Variants in MSH3 observed in about 807,000 individuals in gnomAD.
MSH3 encodes DNA mismatch repair protein Msh3.
A neutral mutation model predicts 123.3 loss-of-function variants in MSH3; 106 were observed. The observed-to-expected ratio is 0.86, with a 90% CI of 0.73 to 1.01. The LOEUF (loss-of-function observed/expected upper bound fraction) is 1.01, where lower values mean the gene tolerates loss of function less well. MSH3 is among the 50% of genes least tolerant of loss of function. MSH3 has a pLI of 0.00. For missense variants in MSH3, 1,459 were observed against 1,347.6 expected (o/e 1.08, Z -1.29); for synonymous variants, 515 against 481.4 (o/e 1.07, Z -0.91).
intron 21 of MSH3, among the ~76,000 whole-genome samples, chr5:80,858,932 A>G (rs544727835): frequency 6.6e-6 from 1 of 152,290 alleles, no homozygotes; most frequent in East Asian, 1.9e-4. Flanking sequence ...TCTTGGACAT[A>G]AGACATAATA....
At chr5:80,685,454 T>A (rs1419014057) in intron 8 of MSH3, among the ~76,000 whole-genome samples, 1 of 152,090 alleles carries the variant, frequency 6.6e-6, no homozygotes, top group Admixed American at 6.5e-5. Flanking sequence ...TTTATTGGCA[T>A]ATGGTTGCTC....
intron 10 of MSH3, among the ~76,000 whole-genome samples, chr5:80,729,892 TG>T (rs1382342716): frequency 6.6e-5 from 10 of 152,158 alleles, no homozygotes; most frequent in Non-Finnish European, 1.2e-4. Flanking sequence ...GCATCAGCTC[TG>T]TCCCATTCTG....
intron 20 of MSH3, among the ~76,000 whole-genome samples, chr5:80,816,650 G>A (rs905744686): frequency 6.6e-6 from 1 of 152,220 alleles, no homozygotes. Flanking sequence ...TCTTTTGGTG[G>A]TCTTGGTGAA....
chr5:80,706,613 A>G (rs1197270440), intron 8 of MSH3, among the ~76,000 whole-genome samples: 1 of 152,206 alleles, frequency 6.6e-6, no homozygotes, highest in East Asian at 1.9e-4. Context: ...TATATAATGG[A>G]TGACATTTAG....
intron 8 of MSH3, among the ~76,000 whole-genome samples, chr5:80,704,522 T>C (rs768881077): frequency 1.3e-5 from 2 of 152,202 alleles, no homozygotes; most frequent in Non-Finnish European, 2.9e-5. Flanking sequence ...ATTTTCCTGC[T>C]TTTGTTTTCA....
rs1192783960 is a variant in MSH3 at position 80,784,212 on chromosome 5, C to CAAAAAAAAA, written c.2436-3334_2436-3326dup. On this transcript the variant is annotated intron_variant, in intron 17 of 23. Coordinates refer to ENST00000265081, the MANE Select transcript of MSH3 (RefSeq NM_002439.5). ...GCGAAAGAGCGAGACTACTACGTCG[C>CAAAAAAAAA]AAAAAAAAAAAAAAAAAAAAAAAAA... is the stretch of plus-strand genomic sequence containing the variant. Among the ~76,000 whole-genome samples, 11 of 11,986 alleles carry CAAAAAAAAA rather than the reference C, an allele frequency of 9.2e-4. 1 individual carries two copies. The highest frequency in any genetic ancestry group is 6.3e-3 in the Admixed American group (5 of 794). 7.9% of individuals were successfully genotyped at this position (11,986 alleles called of 152,430 possible). A position where few individuals can be genotyped will look rare whatever the true frequency, so the allele number is the denominator to read the frequency against.
chr5:80,798,361 G>T (rs1364820349), intron 19 of MSH3, among the ~76,000 whole-genome samples: 1 of 32,222 alleles, frequency 3.1e-5, no homozygotes, highest in African/African-American at 2.2e-4. Flanking sequence ...AGCTGGTAAA[G>T]ATGAACAGAT....
intron 6 of MSH3, among the ~76,000 whole-genome samples, chr5:80,673,998 C>CT (rs1297389494): frequency 6.6e-6 from 1 of 152,174 alleles, no homozygotes; most frequent in Non-Finnish European, 1.5e-5. Context: ...CTCAGCTCAT[C>CT]TAATTCTAAG....
intron 13 of MSH3, among the ~76,000 whole-genome samples, chr5:80,762,373 T>G (rs1487437751): frequency 6.6e-6 from 1 of 152,066 alleles, no homozygotes; most frequent in Non-Finnish European, 1.5e-5. Context: ...CATTGAGAAG[T>G]TACTATTTTT....
rs190107855 is a variant in MSH3, at chr5:80,864,500, T to C, written c.3001-313T>C. Among the ~76,000 whole-genome samples the C allele has an allele frequency of 1.1e-3, 162 of 152,246 alleles. 1 individual carries two copies. Among genetic ancestry groups the C allele is most frequent in the African/African-American group, 3.8e-3 (156 of 41,556 alleles). ...ATTGAGTGTAATAATTGTATTCTAG[T>C]TATATAGGAGGATGTTTTGTTCTTA... On this transcript the variant is annotated intron_variant, in intron 21 of 23. Transcript: ENST00000265081.
chr5:80,777,661 CTGTT>C (rs1382065217), intron 16 of MSH3, among the ~76,000 whole-genome samples: 1 of 152,084 alleles, frequency 6.6e-6, no homozygotes, highest in African/African-American at 2.4e-5. Context: ...TGCAGTTTAT[CTGTT>C]TGGCCATAGG....
intron 13 of MSH3, among the ~76,000 whole-genome samples, chr5:80,765,525 C>A (rs557263009): frequency 4.6e-5 from 7 of 152,240 alleles, no homozygotes; most frequent in African/African-American, 1.7e-4. Flanking sequence ...TTTTTGAATA[C>A]GTTCTTAGCC....
At chr5:80,855,488 A>G (rs1745900544) in intron 21 of MSH3, 1 of 152,128 alleles carries the variant, frequency 6.6e-6, no homozygotes, top group Admixed American at 6.5e-5. Flanking sequence ...TTCAGTCTTT[A>G]GAGACTCAGC....
intron 8 of MSH3, among the ~76,000 whole-genome samples, chr5:80,725,078 A>T (rs1743255267): frequency 1.3e-5 from 2 of 151,860 alleles, no homozygotes; most frequent in African/African-American, 2.4e-5. Context: ...GCTGGGCGTG[A>T]TGGCGGGCAC....
At chr5:80,655,089 G>C in intron 1 of MSH3, 125 bp downstream of exon 1, 8 of 590,504 alleles carry the variant, frequency 1.4e-5, no homozygotes, top group Non-Finnish European at 2.2e-5. Flanking sequence ...GCGGGCTGAA[G>C]AAGGGGAAGG....
Position 80,832,252 on chromosome 5 carries a change from G to T in MSH3, c.2813+18511G>T, listed in dbSNP as rs377344063. On this transcript the variant is annotated intron_variant, in intron 20 of 23. Transcript: ENST00000265081. ...TATGGGGAAAGGGGAGAGTTTTCCA[G>T]GATGGGGAAAGGGGAGAGTAAAGAG... 1.2e-4 allele frequency among the ~76,000 whole-genome samples: 19 copies of T among 152,250 alleles called. No homozygotes were observed. In the East Asian group the frequency reaches 2.3e-3, roughly 19 times the overall value.
intron 20 of MSH3, among the ~76,000 whole-genome samples, chr5:80,846,694 G>A (rs1334641946): frequency 1.3e-5 from 2 of 152,240 alleles, no homozygotes; most frequent in African/African-American, 4.8e-5. Context: ...AGTGAGCAAG[G>A]CTCCGTGGGC....
intron 20 of MSH3, among the ~76,000 whole-genome samples, chr5:80,848,782 G>C (rs1745772316): frequency 6.6e-6 from 1 of 152,096 alleles, no homozygotes; most frequent in African/African-American, 2.4e-5. Context: ...GATGAGATTT[G>C]TGTGGGGACA....
At chr5:80,797,060 C>T (rs548345207) in intron 19 of MSH3, among the ~76,000 whole-genome samples, 2 of 151,166 alleles carry the variant, frequency 1.3e-5, no homozygotes, top group South Asian at 4.2e-4. Context: ...ACTCCCGCCT[C>T]ACACACTCCA....
Sources: gnomAD v4.1 joint callset for allele counts (sites outside exome capture counted in the v4.1 genomes callset) on GRCh38, gnomAD v4.1.1 for gene constraint, MANE v1.5 for transcripts, NCBI Gene and HGNC (gene_info 2026-07-23, HGNC 2026-07-21) for gene names.